SLC5A4: variants seen among roughly 807,000 people sequenced by gnomAD.
SLC5A4 encodes probable glucose sensor protein SLC5A4.
SLC5A4 carries 55 observed loss-of-function variants against 70.3 expected under a neutral mutation model. The ratio of observed to expected loss-of-function variants is 0.78; its 90% CI spans 0.63 to 0.98. SLC5A4 has a LOEUF of 0.98. SLC5A4 is among the 50% of genes least tolerant of loss of function. SLC5A4 has a pLI of 0.00. For synonymous variants in SLC5A4, 268 were observed against 305.7 expected (o/e 0.88, Z 1.29); for missense variants, 735 against 839.2 (o/e 0.88, Z 1.53).
At chr22:32,269,205 A>G in the SLC5A4 span, among the ~76,000 whole-genome samples, 1 of 152,036 alleles carries the variant, frequency 6.6e-6, no homozygotes, top group Non-Finnish European at 1.5e-5. This position sits in a 1 kb window ranked among gnomAD's most constrained non-coding sequence, Gnocchi z 4.1. Flanking sequence ...GTTTTTTATT[A>G]CTTTTTTAGC....
At chr22:32,345,011 T>C in the SLC5A4 span, among the ~76,000 whole-genome samples, 2 of 152,202 alleles carry the variant, frequency 1.3e-5, no homozygotes, top group African/African-American at 2.4e-5. Context: ...CTTTAGTAGC[T>C]AGGACTAAAA....
chr22:32,239,560 ATATATATATT>A lies in SLC5A4; in HGVS notation c.478-480_478-471del, dbSNP rs1569374910. ...TATATATATATATATATATATATAT[ATATATATATT>A]TATATATATATTTATATATATATAA... On this transcript the variant is annotated intron_variant, in intron 5 of 14. Coordinates refer to ENST00000266086, the MANE Select transcript of SLC5A4 (RefSeq NM_014227.3). Among the ~76,000 whole-genome samples the A allele has an allele frequency of 3.1e-4, 7 of 22,430 alleles. 1 individual carries two copies. Among genetic ancestry groups the A allele is most frequent in the Admixed American group, 1.9e-3 (4 of 2,146 alleles). The allele number at this position is 22,430 out of a possible 152,430, so 14.7% of individuals were successfully genotyped here.
rs756967934 is a variant in SLC5A4, at chr22:32,229,337, T to A, written c.1137A>T (p.Arg379=). 13 of 1,614,028 alleles carry A rather than the reference T, an allele frequency of 8.1e-6. No individual in the cohort carries two copies. Among genetic ancestry groups the A allele is most frequent in the Middle Eastern group, 1.6e-4 (1 of 6,084 alleles). ...MVLELMPQGL[R]GLMLSVMLAS... The stretch of plus-strand genomic sequence containing the variant: ...CCAGCATGACCGAAAGCATCAGGCC[T>A]CGCAGTCCTGGAGCCGGGAAAGGGT... The change falls in exon 11 of 15, where the codon CGA becomes CGT. Residue 379 remains arginine, a synonymous_variant. Transcript: ENST00000266086.
chr22:32,282,766 A>T, the SLC5A4 span, among the ~76,000 whole-genome samples: 2 of 152,080 alleles, frequency 1.3e-5, no homozygotes, highest in Non-Finnish European at 2.9e-5. Context: ...TGTCTTCCCC[A>T]TGGCTTGGGC....
the SLC5A4 span, chr22:32,269,207 T>A: frequency 1.8e-5 from 3 of 167,072 alleles, no homozygotes; most frequent in Admixed American, 1.2e-4. This position sits in a 1 kb window ranked among gnomAD's most constrained non-coding sequence, Gnocchi z 4.1. Context: ...TTTTTATTAC[T>A]TTTTTAGCAT....
the SLC5A4 span, among the ~76,000 whole-genome samples, chr22:32,329,318 G>A: frequency 6.6e-6 from 1 of 152,180 alleles, no homozygotes; most frequent in East Asian, 1.9e-4. Flanking sequence ...ATTTCTGTGA[G>A]GACATGAGAC....
chr22:32,255,860 T>C (rs1927454732), upstream of SLC5A4, among the ~76,000 whole-genome samples: 1 of 152,032 alleles, frequency 6.6e-6, no homozygotes, highest in Non-Finnish European at 1.5e-5. Flanking sequence ...GTGGCCTGTA[T>C]AGGAAAGGAA....
the SLC5A4 span, among the ~76,000 whole-genome samples, chr22:32,306,387 A>C: frequency 6.6e-6 from 1 of 150,840 alleles, no homozygotes; most frequent in Non-Finnish European, 1.5e-5. Flanking sequence ...AATGGCGTGA[A>C]CCTGGGAGGC....
chr22:32,270,376 G>A, the SLC5A4 span: 1 of 1,439,108 alleles, frequency 6.9e-7, no homozygotes, highest in Non-Finnish European at 9.7e-7. Context: ...GCCCCAGGTG[G>A]TGACAACCTT....
At chr22:32,237,362 A>T (rs1391107843) in intron 6 of SLC5A4, 38 bp from the exon 7 acceptor site, 1 of 1,369,382 alleles carries the variant, frequency 7.3e-7, no homozygotes, top group African/African-American at 1.5e-5. Flanking sequence ...CATTTTATCC[A>T]TGTGTCCTCA....
chr22:32,234,081 C>T (rs1925920460), intron 8 of SLC5A4, among the ~76,000 whole-genome samples: 1 of 152,024 alleles, frequency 6.6e-6, no homozygotes, highest in Admixed American at 6.5e-5. Context: ...ATAGGGAAGC[C>T]AACAATAAAA....
intron 11 of SLC5A4, among the ~76,000 whole-genome samples, chr22:32,227,163 G>GT (rs967965594): frequency 9.2e-5 from 14 of 152,212 alleles, no homozygotes; most frequent in African/African-American, 3.4e-4. Flanking sequence ...AAACGTACAT[G>GT]TTTTTTTCCT....
At chr22:32,308,057 A>C in the SLC5A4 span, among the ~76,000 whole-genome samples, 2 of 151,990 alleles carry the variant, frequency 1.3e-5, no homozygotes, top group Non-Finnish European at 2.9e-5. Context: ...CAGGTCTGTT[A>C]TTCCTTCCTT....
At chr22:32,322,203 C>T in the SLC5A4 span, among the ~76,000 whole-genome samples, 1 of 152,164 alleles carries the variant, frequency 6.6e-6, no homozygotes, top group Non-Finnish European at 1.5e-5. Context: ...CTGAGAACAT[C>T]ACACAAGGCA....
chr22:32,226,045 A>G (rs1925378457), intron 11 of SLC5A4, among the ~76,000 whole-genome samples: 1 of 152,190 alleles, frequency 6.6e-6, no homozygotes, highest in Non-Finnish European at 1.5e-5. Context: ...AGCTTCATCT[A>G]TGAGATTAAA....
chr22:32,243,528 GC>G (rs768263241), intron 5 of SLC5A4, among the ~76,000 whole-genome samples: 33 of 152,104 alleles, frequency 2.2e-4, no homozygotes, highest in Non-Finnish European at 4.3e-4. Flanking sequence ...AATTATCCCT[GC>G]TCCTAGGAAT....
At chr22:32,351,748 C>G in the SLC5A4 span, among the ~76,000 whole-genome samples, 23 of 11,828 alleles carry the variant, frequency 1.9e-3, no homozygotes, top group African/African-American at 8.3e-3. Context: ...GGGGGGAGGG[C>G]GGGGGGGGGG....
chr22:32,347,507 A>G, the SLC5A4 span, among the ~76,000 whole-genome samples: 18 of 152,134 alleles, frequency 1.2e-4, no homozygotes, highest in Non-Finnish European at 2.6e-4. Context: ...CATATACACC[A>G]TGGAATACTA....
Position 32,220,541 on chromosome 22 carries a change from A to G in SLC5A4, c.1768+379T>C, listed in dbSNP as rs143776904. Among the ~76,000 whole-genome samples, 195 of 152,306 alleles carry G rather than the reference A, an allele frequency of 1.3e-3. 2 individuals carry two copies. The highest frequency in any genetic ancestry group is 4.4e-3 in the African/African-American group (183 of 41,564). On this transcript the variant is annotated intron_variant, in intron 14 of 14. Transcript: ENST00000266086. ...GCTTGGCGCATGTGGAAAAGTGAGA[A>G]AACCTGTCTGCCTGGAATAGAGGGT... is the stretch of plus-strand genomic sequence containing the variant.
Sources: allele counts gnomAD v4.1 joint callset (sites outside exome capture counted in the v4.1 genomes callset), GRCh38; gene constraint gnomAD v4.1.1; non-coding constraint Gnocchi (gnomAD v3.1); transcripts MANE v1.5; gene names NCBI Gene and HGNC (gene_info 2026-07-23, HGNC 2026-07-21).